The following ANO6 variants were observed in gnomAD, a reference collection of about 807,000 sequenced individuals.
The protein encoded by ANO6 is anoctamin-6.
Under a neutral mutation model 117.5 loss-of-function variants are expected in ANO6, and 106 were observed. The observed-to-expected ratio is 0.90, with a 90% CI of 0.77 to 1.06. The LOEUF is 1.06. Among genes scored for constraint, ANO6 ranks in the 50% least tolerant of loss-of-function variants. The pLI is 0.00. For synonymous variants in ANO6, 367 were observed against 385.1 expected, an observed-to-expected ratio of 0.95 and a Z score of 0.55; for missense variants, 955 against 1,121.1, an observed-to-expected ratio of 0.85 and a Z score of 2.12.
chr12:45,325,729 G>A (rs899216273), intron 2 of ANO6, among the ~76,000 whole-genome samples: 7 of 152,028 alleles, frequency 4.6e-5, no homozygotes, highest in African/African-American at 1.4e-4. Context: ...CTCTAAGGAA[G>A]GCTAAATTGA....
In ANO6 at chr12:45,216,102, G is replaced by C; in HGVS notation, c.-220G>C. 2 of 557,054 alleles carry C rather than the reference G, an allele frequency of 3.6e-6. No individual in the cohort carries two copies. Among genetic ancestry groups the C allele is most frequent in the East Asian group, 6.4e-5 (2 of 31,192 alleles). The allele number at this position is 557,054 out of a possible 1,614,324, so 34.5% of individuals were successfully genotyped here. ...GCCGCACTGGGCATGCTCAGTCTCC[G>C]GGCTCCGCTCGGCAGGCGAGAGGCG... On this transcript the variant is annotated 5_prime_UTR_variant, in exon 1 of 20. Coordinates refer to ENST00000320560, the MANE Select transcript of ANO6 (RefSeq NM_001025356.3).
chr12:45,377,018 T>G (rs542172182), intron 9 of ANO6, among the ~76,000 whole-genome samples: 28 of 152,260 alleles, frequency 1.8e-4, no homozygotes, highest in African/African-American at 6.3e-4. Context: ...TGAAGATAAC[T>G]AATATTTTTA....
chr12:45,383,025 A>C (rs1355514551), intron 10 of ANO6, among the ~76,000 whole-genome samples: 2 of 149,756 alleles, frequency 1.3e-5, no homozygotes, highest in East Asian at 1.9e-4. Context: ...GTGTGGTAGC[A>C]TTTTACCCAT....
chr12:45,439,636 T>A, intron 19 of ANO6: 1 of 1,376,966 alleles, frequency 7.3e-7, no homozygotes, highest in Non-Finnish European at 9.4e-7. Context: ...ATTCAAGATA[T>A]GATTTAATTG....
chr12:45,418,353 C>T (rs1943267193), intron 17 of ANO6, among the ~76,000 whole-genome samples: 1 of 152,158 alleles, frequency 6.6e-6, no homozygotes, highest in Admixed American at 6.5e-5. Flanking sequence ...ATGTCAGTTT[C>T]CTTTCACCCA....
chr12:45,359,643 C>T (rs903441547), intron 8 of ANO6, among the ~76,000 whole-genome samples: 81 of 152,134 alleles, frequency 5.3e-4, no homozygotes, highest in African/African-American at 1.9e-3. Flanking sequence ...TTTTTGTGGC[C>T]AAATAATACT....
chr12:45,277,627 ATTTTTTTTT>A (rs1343582442), intron 1 of ANO6, among the ~76,000 whole-genome samples: 1 of 151,658 alleles, frequency 6.6e-6, no homozygotes, highest in East Asian at 1.9e-4. Context: ...AAGGCAGGTA[ATTTTTTTTT>A]AAACTTGCGG....
In ANO6 at chr12:45,348,602, A is replaced by T. The variant is rs751130771; in HGVS notation, c.718A>T (p.Ile240Phe). ...GATCAACAGACTTGTAAACTCTGGG[A>T]TCTACAAGGCAGCTTTCCCACTCCA... ...FGINRLVNSG[I>F]YKAAFPLHDC... Residue 240 changes from isoleucine to phenylalanine, a missense_variant, in exon 6 of 20, where the codon ATC (isoleucine) becomes TTC (phenylalanine). Physicochemically the swap from Ile to Phe is conservative, Grantham distance 21. Transcript: ENST00000320560. 3.1e-6 allele frequency: 5 copies of T among 1,613,948 alleles called. No individual in the cohort carries two copies. The South Asian group carries it at 5.5e-5, about 18-fold the overall frequency.
intron 1 of ANO6, among the ~76,000 whole-genome samples, chr12:45,242,075 A>G (rs11182936): frequency 0.17 from 25,479 of 152,188 alleles, 3,307 homozygotes; most frequent in East Asian, 0.37. Context: ...CTCAGACACC[A>G]TGCTGGGAGA....
At chr12:45,361,849 T>C (rs954914979) in intron 8 of ANO6, among the ~76,000 whole-genome samples, 16 of 152,274 alleles carry the variant, frequency 1.1e-4, no homozygotes, top group African/African-American at 3.8e-4. Context: ...TAGATCCCAC[T>C]TGGTCATAGT....
At chr12:45,282,907 G>C (rs1400976448) in intron 1 of ANO6, among the ~76,000 whole-genome samples, 1 of 152,126 alleles carries the variant, frequency 6.6e-6, no homozygotes, top group African/African-American at 2.4e-5. Context: ...TTCTGTACAT[G>C]TGCTATTGCT....
At chr12:45,217,181 G>A (rs1482379087) in intron 1 of ANO6, among the ~76,000 whole-genome samples, 1 of 152,126 alleles carries the variant, frequency 6.6e-6, no homozygotes, top group African/African-American at 2.4e-5. Flanking sequence ...TGAGGAAGGG[G>A]AAAGGAATGA....
intron 15 of ANO6, 86 bp from the exon 16 acceptor site, chr12:45,409,271 G>T (rs370426245): frequency 6.7e-7 from 1 of 1,502,916 alleles, no homozygotes. Context: ...AAGATTACTT[G>T]TGCAGCTTTG....
At position 45,429,214 on chromosome 12, in the gene ANO6, A is replaced by C; in HGVS notation, c.2636A>C (p.His879Pro). The C allele has an allele frequency of 1.2e-6, 2 of 1,614,012 alleles. No homozygotes were observed. Among genetic ancestry groups the C allele is most frequent in the Non-Finnish European group, 1.7e-6 (2 of 1,179,952 alleles). ...REKYLTQKLLHENHLKDMTKN... is the reference protein window; with the variant it reads ...REKYLTQKLLPENHLKDMTKN... ...AAATACCTAACCCAAAAGCTTCTTC[A>C]TGAGAATCACCTCAAAGATATGACG... Residue 879 changes from histidine to proline, a missense_variant, in exon 20 of 20, where the codon CAT becomes CCT. Coordinates refer to ENST00000320560, the MANE Select transcript of ANO6 (RefSeq NM_001025356.3).
At chr12:45,234,086 C>T (rs1391529084) in intron 1 of ANO6, among the ~76,000 whole-genome samples, 1 of 152,156 alleles carries the variant, frequency 6.6e-6, no homozygotes, top group East Asian at 1.9e-4. Flanking sequence ...AGCTTTTGGT[C>T]TTAGTTATTT....
intron 1 of ANO6, among the ~76,000 whole-genome samples, chr12:45,267,966 T>C (rs1938275268): frequency 6.6e-6 from 1 of 152,140 alleles, no homozygotes; most frequent in Non-Finnish European, 1.5e-5. Flanking sequence ...TAACTCTCTC[T>C]CCCAACCCTC....
intron 2 of ANO6, among the ~76,000 whole-genome samples, chr12:45,311,584 A>G (rs1192376195): frequency 2.6e-5 from 4 of 152,142 alleles, no homozygotes; most frequent in African/African-American, 9.6e-5. Flanking sequence ...ATATTTGTCA[A>G]GAGTAATTGG....
intron 1 of ANO6, among the ~76,000 whole-genome samples, chr12:45,255,946 C>G (rs1021870177): frequency 6.6e-6 from 1 of 151,644 alleles, no homozygotes; most frequent in Non-Finnish European, 1.5e-5. Context: ...GCCTCCCTCC[C>G]GAGTAGCTGG....
chr12:45,387,534 A>G (rs1467952945), intron 10 of ANO6, among the ~76,000 whole-genome samples: 2 of 152,230 alleles, frequency 1.3e-5, no homozygotes, highest in African/African-American at 4.8e-5. Flanking sequence ...CATATGCTTC[A>G]GTGTCAGACA....
Sources: allele counts gnomAD v4.1 joint callset (sites outside exome capture counted in the v4.1 genomes callset), GRCh38; gene constraint gnomAD v4.1.1; transcripts MANE v1.5; gene names NCBI Gene and HGNC (gene_info 2026-07-23, HGNC 2026-07-21).